The following SLC30A9 variants were observed in gnomAD, a reference collection of about 807,000 sequenced individuals.
SLC30A9 encodes proton-coupled zinc antiporter SLC30A9, mitochondrial.
A neutral mutation model predicts 87.5 loss-of-function variants in SLC30A9; 58 were observed. That is an observed-to-expected ratio of 0.66 (90% CI 0.54 to 0.82). The LOEUF is 0.82. Ranked by LOEUF, SLC30A9 falls within the 40% of genes least tolerant of loss-of-function variation. SLC30A9 has a pLI of 0.00. For synonymous variants in SLC30A9, 234 were observed against 233.0 expected (o/e 1.00, Z -0.04); for missense variants, 557 against 679.1 (o/e 0.82, Z 2.00).
chr4:42,042,196 G>A (rs1325951161), intron 8 of SLC30A9, among the ~76,000 whole-genome samples: 1 of 152,122 alleles, frequency 6.6e-6, no homozygotes, highest in Non-Finnish European at 1.5e-5. Flanking sequence ...TGCCTCGAAT[G>A]CCAGTGAGAC....
At chr4:42,035,399 TG>T in intron 7 of SLC30A9, 66 bp downstream of exon 7, 1 of 1,549,834 alleles carries the variant, frequency 6.5e-7, no homozygotes, top group Middle Eastern at 1.8e-4. Flanking sequence ...ATCAGTCCAT[TG>T]TAAAATTCTA....
intron 1 of SLC30A9, among the ~76,000 whole-genome samples, chr4:41,998,472 G>GTT (rs55926236): frequency 4.1e-5 from 6 of 147,644 alleles, no homozygotes; most frequent in East Asian, 2.0e-4. Context: ...CTTTTTTTTT[G>GTT]TTTGTTTTTG....
intron 2 of SLC30A9, among the ~76,000 whole-genome samples, chr4:42,004,671 T>TTTG (rs1055333004): frequency 2.7e-5 from 4 of 149,594 alleles, no homozygotes; most frequent in Admixed American, 2.0e-4. Flanking sequence ...TTTCTTTTTT[T>TTTG]TTTTTTGAGA....
chr4:42,055,326 T>A (rs1484935910), intron 9 of SLC30A9, among the ~76,000 whole-genome samples: 1 of 152,248 alleles, frequency 6.6e-6, no homozygotes, highest in African/African-American at 2.4e-5. Flanking sequence ...CTTGAGAGAC[T>A]TAAGTACCTC....
intron 1 of SLC30A9, among the ~76,000 whole-genome samples, chr4:41,991,164 A>C (rs1022703083): frequency 6.6e-6 from 1 of 152,262 alleles, no homozygotes; most frequent in Non-Finnish European, 1.5e-5. Context: ...CACTTGGTTG[A>C]GATTTTCTTG....
chr4:41,990,533 C>T lies in SLC30A9; in HGVS notation c.-119C>T, dbSNP rs943058601. 5.1e-6 allele frequency: 3 copies of T among 587,664 alleles called. No individual in the cohort carries two copies. The highest frequency in any genetic ancestry group is 6.8e-5 in the Admixed American group (2 of 29,486). 36.4% of individuals were successfully genotyped at this position (587,664 alleles called of 1,614,324 possible). A position where few individuals can be genotyped will look rare whatever the true frequency, so the allele number is the denominator to read the frequency against. On this transcript the variant is annotated 5_prime_UTR_variant, in exon 1 of 18. Coordinates refer to ENST00000264451, the MANE Select transcript of SLC30A9 (RefSeq NM_006345.4). ...CGTTGCCGTTTCCGGGTCACCCAGG[C>T]AGCTTGTGGCGGCGAAGCCATCGGT...
chr4:42,020,522 T>G lies in SLC30A9; in HGVS notation c.434+7T>G. Reference sequence around the variant, plus strand: ...AGTTCTGCCTCAAATCCAGGTAATTTTTTTAAAAAATGTAGCCGTGTGTCA... The same window carrying G: ...AGTTCTGCCTCAAATCCAGGTAATTGTTTTAAAAAATGTAGCCGTGTGTCA... On this transcript the variant is annotated splice_region_variant and intron_variant, in intron 4 of 17. Transcript: ENST00000264451. 6.6e-7 allele frequency: 1 copy of G among 1,521,624 alleles called. No individual in the cohort carries two copies. The highest frequency in any genetic ancestry group is 9.1e-7 in the Non-Finnish European group (1 of 1,103,048). The allele number at this position is 1,521,624 out of a possible 1,614,324, so 94.3% of individuals were successfully genotyped here.
intron 10 of SLC30A9, among the ~76,000 whole-genome samples, chr4:42,062,581 A>C (rs112340953): frequency 6.6e-6 from 1 of 152,324 alleles, no homozygotes; most frequent in African/African-American, 2.4e-5. Flanking sequence ...TAAATAATAG[A>C]CTGGCTGCAC....
chr4:42,022,244 CT>C (rs113214269), intron 4 of SLC30A9, among the ~76,000 whole-genome samples: 72 of 128,510 alleles, frequency 5.6e-4, no homozygotes, highest in African/African-American at 6.7e-4. Context: ...TTATTTTTCA[CT>C]TTTTTTTTTT....
At chr4:42,036,953 A>G (rs1224472878) in intron 7 of SLC30A9, among the ~76,000 whole-genome samples, 1 of 152,214 alleles carries the variant, frequency 6.6e-6, no homozygotes, top group East Asian at 1.9e-4. Context: ...TCTGTTTCAC[A>G]TGGAGAATCA....
At chr4:42,054,493 AT>A (rs35238488) in intron 9 of SLC30A9, among the ~76,000 whole-genome samples, 87 of 143,808 alleles carry the variant, frequency 6.0e-4, no homozygotes, top group African/African-American at 1.2e-3. Context: ...ATTAGTATTG[AT>A]TTTTTTTTTT....
Position 42,086,454 on chromosome 4 carries a change from T to C in SLC30A9, c.*328T>C. 5.1e-6 allele frequency: 1 copy of C among 194,746 alleles called. No homozygotes were observed. Among genetic ancestry groups the C allele is most frequent in the Non-Finnish European group, 1.0e-5 (1 of 96,116 alleles). The allele number at this position is 194,746 out of a possible 1,614,324, so 12.1% of individuals were successfully genotyped here. ...TACTGTACTTTGCAATCATCTTTCC[T>C]TTTTTCACATTGGTAAAAATAAGTG... On this transcript the variant is annotated 3_prime_UTR_variant, in exon 18 of 18. Transcript: ENST00000264451.
chr4:42,084,549 G>A (rs1718852230), intron 17 of SLC30A9, among the ~76,000 whole-genome samples: 1 of 152,042 alleles, frequency 6.6e-6, no homozygotes, highest in South Asian at 2.1e-4. Flanking sequence ...CCGGCTCACT[G>A]CAACCTCTGC....
intron 10 of SLC30A9, 27 bp from the exon 11 acceptor site, chr4:42,062,959 C>G (rs763881308): frequency 1.9e-6 from 3 of 1,596,350 alleles, no homozygotes; most frequent in South Asian, 2.2e-5. Context: ...GTATTTCTTG[C>G]GAACTATATT....
At chr4:42,044,612 T>C (rs1032696456) in intron 8 of SLC30A9, among the ~76,000 whole-genome samples, 11 of 152,160 alleles carry the variant, frequency 7.2e-5, no homozygotes, top group Non-Finnish European at 1.5e-4. Context: ...CACACAGGAA[T>C]AGTGGGACAC....
intron 9 of SLC30A9, among the ~76,000 whole-genome samples, chr4:42,056,157 A>G (rs1033895835): frequency 3.3e-5 from 2 of 60,712 alleles, no homozygotes; most frequent in East Asian, 9.4e-4. Context: ...TGCACAGCCA[A>G]CTGAATATTA....
At chr4:42,058,575 A>C (rs1717720065) in intron 9 of SLC30A9, among the ~76,000 whole-genome samples, 1 of 152,216 alleles carries the variant, frequency 6.6e-6, no homozygotes, top group South Asian at 2.1e-4. Context: ...CTGCTGATAA[A>C]GACATGCCCA....
In SLC30A9 at chr4:42,023,322, G is replaced by A. The variant is rs1716054423; in HGVS notation, c.548G>A (p.Ser183Asn). 1.2e-6 allele frequency: 2 copies of A among 1,613,388 alleles called. No individual in the cohort carries two copies. Among genetic ancestry groups the A allele is most frequent in the African/African-American group, 2.7e-5 (2 of 74,924 alleles). ...CACAGATCTTTGGAAGTTTGGGGAAGCCCTGAAGCTCTTGCCAGAGAGAAA... is the reference window on the plus strand; with the variant it reads ...CACAGATCTTTGGAAGTTTGGGGAAACCCTGAAGCTCTTGCCAGAGAGAAA... Reference protein sequence around the residue: ...VEAKSLEVWGSPEALAREKKL... With the variant: ...VEAKSLEVWGNPEALAREKKL... The change falls in exon 6 of 18, where the codon AGC (serine) becomes AAC (asparagine). Residue 183 changes from serine (S) to asparagine (N), a missense_variant. Transcript: ENST00000264451.
chr4:42,049,106 C>T (rs995890484), intron 8 of SLC30A9, among the ~76,000 whole-genome samples: 2 of 152,002 alleles, frequency 1.3e-5, no homozygotes, highest in African/African-American at 4.8e-5. Context: ...GGACTAAAGG[C>T]GTGCACTACC....
Sources: allele counts gnomAD v4.1 joint callset (sites outside exome capture counted in the v4.1 genomes callset), GRCh38; gene constraint gnomAD v4.1.1; transcripts MANE v1.5; gene names NCBI Gene and HGNC (gene_info 2026-07-23, HGNC 2026-07-21).